Variants in LARGE1 observed in about 807,000 individuals in gnomAD.
The protein encoded by LARGE1 is LARGE xylosyl- and glucuronyltransferase 1, also known as xylosyl- and glucuronyltransferase LARGE1.
A neutral mutation model predicts 87.6 loss-of-function variants in LARGE1; 43 were observed. The observed-to-expected ratio is 0.49, with a 90% confidence interval of 0.38 to 0.63. The LOEUF is 0.63. LARGE1 is among the 30% of genes least tolerant of loss of function. LARGE1 has a pLI of 0.00. For missense variants in LARGE1, 802 were observed against 1,000.2 expected, an observed-to-expected ratio of 0.80 and a Z score of 2.67; for synonymous variants, 434 against 394.6, an observed-to-expected ratio of 1.10 and a Z score of -1.18.
At chr22:33,729,618 C>G (rs2083389986) in intron 2 of LARGE1, among the ~76,000 whole-genome samples, 1 of 152,216 alleles carries the variant, frequency 6.6e-6, no homozygotes. Flanking sequence ...ACTGAAAATG[C>G]CACCAATCCC....
At chr22:33,326,218 T>C (rs759472179) in intron 10 of LARGE1, among the ~76,000 whole-genome samples, 3 of 152,184 alleles carry the variant, frequency 2.0e-5, no homozygotes, top group Non-Finnish European at 2.9e-5. Context: ...GACCTCGACT[T>C]GGAGGAGATA....
At chr22:33,520,190 G>A (rs1172771858) in intron 6 of LARGE1, among the ~76,000 whole-genome samples, 2 of 151,464 alleles carry the variant, frequency 1.3e-5, no homozygotes, top group Non-Finnish European at 2.9e-5. Flanking sequence ...TTTTTGTATC[G>A]CTCAGCCTCC....
intron 1 of LARGE1, among the ~76,000 whole-genome samples, chr22:33,909,348 C>T (rs2084109742): frequency 6.6e-6 from 1 of 152,086 alleles, no homozygotes; most frequent in Non-Finnish European, 1.5e-5. Flanking sequence ...TGAACTGGTA[C>T]AAAATCCTGT....
chr22:33,116,585 G>C, the LARGE1 span, among the ~76,000 whole-genome samples: 23 of 151,218 alleles, frequency 1.5e-4, no homozygotes, highest in Non-Finnish European at 2.8e-4. Context: ...GGATGGTCTC[G>C]ATCTCCTGAC....
chr22:33,223,528 G>A (rs998919127), intron 11 of LARGE1, among the ~76,000 whole-genome samples: 2 of 152,144 alleles, frequency 1.3e-5, no homozygotes, highest in Non-Finnish European at 2.9e-5. Context: ...TGAGAATGAC[G>A]CCCTCCAGTG....
At position 33,607,817 on chromosome 22, in the gene LARGE1, A is replaced by C. The variant is rs184698116; in HGVS notation, c.492-3259T>G. ...GGGTAATAAACTGAATAAACGAATC[A>C]AAAAGCAGTCAGCACTGCAGAATTT... On this transcript the variant is annotated intron_variant, in intron 4 of 14. Transcript: ENST00000397394. Among the ~76,000 whole-genome samples the C allele has an allele frequency of 4.6e-5, 7 of 152,344 alleles. No homozygotes were observed. The East Asian group carries it at 1.4e-3, about 29-fold the overall frequency.
intron 1 of LARGE1, among the ~76,000 whole-genome samples, chr22:33,799,436 A>T (rs981681335): frequency 1.3e-5 from 2 of 150,584 alleles, no homozygotes; most frequent in African/African-American, 4.9e-5. Flanking sequence ...ACATATACAG[A>T]TAAGAAACTT....
At chr22:33,081,714 C>A in the LARGE1 span, among the ~76,000 whole-genome samples, 1 of 152,128 alleles carries the variant, frequency 6.6e-6, no homozygotes, top group East Asian at 1.9e-4. Context: ...TAGCCTTCTA[C>A]CCTCATGTCT....
At chr22:33,196,129 A>T (rs972342752) in intron 11 of LARGE1, among the ~76,000 whole-genome samples, 8 of 117,336 alleles carry the variant, frequency 6.8e-5, no homozygotes, top group African/African-American at 2.1e-4. Context: ...AAAGTAAATT[A>T]AAAAAAAAAA....
chr22:33,706,747 C>G (rs1345016396), intron 2 of LARGE1, among the ~76,000 whole-genome samples: 1 of 152,228 alleles, frequency 6.6e-6, no homozygotes, highest in Admixed American at 6.5e-5. Context: ...CGTCAAAAGA[C>G]AGAGACACAT....
chr22:33,634,476 G>A (rs1030968116), intron 3 of LARGE1, among the ~76,000 whole-genome samples: 13 of 152,134 alleles, frequency 8.5e-5, no homozygotes, highest in Non-Finnish European at 1.3e-4. Flanking sequence ...GTACGAGGGC[G>A]TGCAAATAAT....
rs761167014 is a variant in LARGE1, at chr22:33,384,275, G to T, written c.922C>A (p.Arg308=). ...CACATCTGCTCCCATTTCATCTTCC[G>T]CAGCTTATCCAGAAGTAACAGGATC... ...GVILLLLDKL[R]KMKWEQMWRL... The change falls in exon 8 of 15, where the codon CGG becomes AGG. Residue 308 remains arginine (R), a synonymous_variant. Transcript: ENST00000397394. 51 of 1,613,700 alleles carry T rather than the reference G, an allele frequency of 3.2e-5. No individual in the cohort carries two copies. The highest frequency in any genetic ancestry group is 4.2e-5 in the Non-Finnish European group (50 of 1,179,926).
intron 11 of LARGE1, among the ~76,000 whole-genome samples, chr22:33,308,749 T>C (rs370757129): frequency 4.9e-4 from 74 of 152,278 alleles, no homozygotes; most frequent in African/African-American, 1.5e-3. Flanking sequence ...GACACAGGAA[T>C]GAGCCCAGCA....
chr22:33,508,735 A>G (rs563008151), intron 6 of LARGE1, among the ~76,000 whole-genome samples: 3 of 152,330 alleles, frequency 2.0e-5, no homozygotes, highest in South Asian at 4.1e-4. Context: ...CATCCTGGCA[A>G]GCATTAAAAA....
At chr22:33,117,876 G>A in the LARGE1 span, among the ~76,000 whole-genome samples, 1 of 152,214 alleles carries the variant, frequency 6.6e-6, no homozygotes, top group Non-Finnish European at 1.5e-5. Flanking sequence ...CTACTGCTAA[G>A]TGCAATCATA....
At chr22:33,763,883 C>T (rs1422022361) in intron 1 of LARGE1, among the ~76,000 whole-genome samples, 1 of 116,084 alleles carries the variant, frequency 8.6e-6, no homozygotes, top group African/African-American at 3.4e-5. Flanking sequence ...CAGAGACTCA[C>T]TCTGTCACCA....
the LARGE1 span, among the ~76,000 whole-genome samples, chr22:33,092,554 C>T: frequency 6.6e-6 from 1 of 152,108 alleles, no homozygotes; most frequent in East Asian, 1.9e-4. Flanking sequence ...CTGCACCCAT[C>T]AACCCATTAG....
intron 2 of LARGE1, among the ~76,000 whole-genome samples, chr22:33,740,231 A>G (rs1256315876): frequency 6.6e-6 from 1 of 152,130 alleles, no homozygotes; most frequent in Non-Finnish European, 1.5e-5. Flanking sequence ...ATCTTCTTCC[A>G]TGAAAGCTTT....
At position 33,536,002 on chromosome 22, in the gene LARGE1, A is replaced by G. The variant is rs998593338; in HGVS notation, c.787+28846T>C. Reference sequence around the variant, plus strand: ...CAAGTTGCCATGTTTTATAATTCGCATGAAACAAAAAAGTCCGCATGGTCA... The same window carrying G: ...CAAGTTGCCATGTTTTATAATTCGCGTGAAACAAAAAAGTCCGCATGGTCA... On this transcript the variant is annotated intron_variant, in intron 6 of 14. Coordinates refer to ENST00000397394, the MANE Select transcript of LARGE1 (RefSeq NM_133642.5). Among the ~76,000 whole-genome samples the G allele has an allele frequency of 6.6e-5, 10 of 152,334 alleles. No individual in the cohort carries two copies. The South Asian group carries it at 8.3e-4, about 13-fold the overall frequency.
Sources: allele counts gnomAD v4.1 joint callset (sites outside exome capture counted in the v4.1 genomes callset), GRCh38; gene constraint gnomAD v4.1.1; transcripts MANE v1.5; gene names NCBI Gene and HGNC (gene_info 2026-07-23, HGNC 2026-07-21).